Variants in C8orf34 observed in about 807,000 individuals in gnomAD.
C8orf34 encodes uncharacterized protein C8orf34.
C8orf34 carries 65 observed loss-of-function variants against 68.3 expected under a neutral mutation model. The observed-to-expected ratio is 0.95, with a 90% CI of 0.78 to 1.17. The LOEUF (loss-of-function observed/expected upper bound fraction) is 1.17, where lower values mean the gene tolerates loss of function less well. C8orf34 is among the 50% of genes most tolerant of loss of function. C8orf34 has a pLI of 0.00. For missense variants in C8orf34, 664 were observed against 655.4 expected, an observed-to-expected ratio of 1.01 and a Z score of -0.14; for synonymous variants, 244 against 241.2, an observed-to-expected ratio of 1.01 and a Z score of -0.11.
chr8:68,624,525 CCT>C (rs1254503709), intron 7 of C8orf34, among the ~76,000 whole-genome samples: 1 of 152,086 alleles, frequency 6.6e-6, no homozygotes, highest in Non-Finnish European at 1.5e-5. Flanking sequence ...TACTTGGGTG[CCT>C]TAGGCAAACC....
intron 8 of C8orf34, among the ~76,000 whole-genome samples, chr8:68,668,369 GA>G (rs1819905470): frequency 6.6e-6 from 1 of 152,100 alleles, no homozygotes; most frequent in Admixed American, 6.6e-5. Flanking sequence ...TTCCATGGAA[GA>G]AAAAATATAC....
At chr8:68,568,104 T>A (rs368269951) in intron 7 of C8orf34, among the ~76,000 whole-genome samples, 6 of 152,206 alleles carry the variant, frequency 3.9e-5, no homozygotes, top group Admixed American at 3.3e-4. Context: ...ATTGGTTAAG[T>A]TCACCATCTT....
intron 5 of C8orf34, among the ~76,000 whole-genome samples, chr8:68,506,124 AC>A (rs1359078264): frequency 6.6e-6 from 1 of 152,084 alleles, no homozygotes; most frequent in African/African-American, 2.4e-5. Context: ...ATACACACAC[AC>A]ACACATGCAC....
intron 7 of C8orf34, among the ~76,000 whole-genome samples, chr8:68,543,927 A>G (rs1191148356): frequency 6.6e-6 from 1 of 152,130 alleles, no homozygotes; most frequent in Non-Finnish European, 1.5e-5. Flanking sequence ...AGAGTAGGGA[A>G]ATAAACAAGG....
chr8:68,568,489 T>C (rs1193859752), intron 7 of C8orf34, among the ~76,000 whole-genome samples: 1 of 151,894 alleles, frequency 6.6e-6, no homozygotes, highest in African/African-American at 2.4e-5. Flanking sequence ...AGACACGAAG[T>C]GAGCCCATGC....
At chr8:68,783,358 A>C (rs1823742480) in intron 11 of C8orf34, among the ~76,000 whole-genome samples, 1 of 151,998 alleles carries the variant, frequency 6.6e-6, no homozygotes, top group Admixed American at 6.5e-5. Flanking sequence ...TCTCTACTAA[A>C]AATGCAAAAA....
chr8:68,625,734 A>G (rs1482631164), intron 7 of C8orf34: 4 of 564,802 alleles, frequency 7.1e-6, no homozygotes, highest in Non-Finnish European at 9.6e-6. Flanking sequence ...ATACATCAAC[A>G]GCAATTTTAG....
chr8:68,813,398 T>C (rs1405057172), intron 12 of C8orf34, among the ~76,000 whole-genome samples: 1 of 152,078 alleles, frequency 6.6e-6, no homozygotes, highest in Admixed American at 6.6e-5. Flanking sequence ...CTGTTATCCT[T>C]GGCCACCCTC....
chr8:68,350,890 G>A (rs185541518), intron 1 of C8orf34, among the ~76,000 whole-genome samples: 384 of 152,046 alleles, frequency 2.5e-3, no homozygotes, highest in Non-Finnish European at 4.2e-3. Flanking sequence ...ACAGTATACC[G>A]TTAGGTCTTG....
chr8:68,649,020 AT>A (rs1347147271), intron 8 of C8orf34, among the ~76,000 whole-genome samples: 5 of 152,006 alleles, frequency 3.3e-5, no homozygotes, highest in Admixed American at 6.6e-5. Context: ...TTTGTTTATG[AT>A]TTTTTTTCTT....
chr8:68,523,037 A>G lies in C8orf34; in HGVS notation c.938+1066A>G, dbSNP rs79033739. On this transcript the variant is annotated intron_variant, in intron 6 of 13. Coordinates refer to ENST00000518698, the MANE Select transcript of C8orf34 (RefSeq NM_052958.4). ...GGCTGGAGGGAAGGAAATTCAGAAT[A>G]CTCATTAATGTGCTTCAGGCCTACA... 3.2e-3 allele frequency among the ~76,000 whole-genome samples: 489 copies of G among 152,268 alleles called. 20 individuals carry two copies. The East Asian group carries it at 0.066, about 21-fold the overall frequency.
chr8:68,443,429 T>C (rs1810992969), intron 2 of C8orf34, among the ~76,000 whole-genome samples: 1 of 152,142 alleles, frequency 6.6e-6, no homozygotes, highest in African/African-American at 2.4e-5. Flanking sequence ...GGAGTCTCGC[T>C]CTGTCACCAG....
chr8:68,496,318 C>G (rs1387688328), intron 5 of C8orf34, among the ~76,000 whole-genome samples: 1 of 152,040 alleles, frequency 6.6e-6, no homozygotes, highest in Admixed American at 6.6e-5. Flanking sequence ...CATAACAACC[C>G]CATGAGAAAG....
chr8:68,699,597 G>A (rs1285070485), intron 8 of C8orf34, among the ~76,000 whole-genome samples: 5 of 152,022 alleles, frequency 3.3e-5, no homozygotes, highest in African/African-American at 4.8e-5. Flanking sequence ...TGGTTTTGTC[G>A]TGAATCAATC....
chr8:68,575,479 T>C (rs1047836226), intron 7 of C8orf34, among the ~76,000 whole-genome samples: 11 of 152,158 alleles, frequency 7.2e-5, no homozygotes, highest in Admixed American at 1.3e-4. Flanking sequence ...CAAACCCGTA[T>C]GTGCTACAGA....
chr8:68,344,038 A>C (rs1476357673), intron 1 of C8orf34, among the ~76,000 whole-genome samples: 1 of 152,168 alleles, frequency 6.6e-6, no homozygotes, highest in Non-Finnish European at 1.5e-5. Context: ...TAGATATGCA[A>C]CTACCAAATA....
intron 1 of C8orf34, among the ~76,000 whole-genome samples, chr8:68,353,284 G>A (rs1806593896): frequency 6.6e-6 from 1 of 151,878 alleles, no homozygotes. Context: ...CCCCCACAAG[G>A]GATGCCCACA....
chr8:68,793,966 G>T (rs971929813), intron 12 of C8orf34, among the ~76,000 whole-genome samples: 1 of 152,004 alleles, frequency 6.6e-6, no homozygotes, highest in East Asian at 1.9e-4. Flanking sequence ...CAAAAACCTG[G>T]TATAATAAAT....
intron 8 of C8orf34, among the ~76,000 whole-genome samples, chr8:68,691,196 T>C (rs1820675273): frequency 6.6e-6 from 1 of 152,052 alleles, no homozygotes; most frequent in Admixed American, 6.6e-5. Context: ...GATACTGCAT[T>C]GTTTGCAAAT....
Sources: gnomAD v4.1 joint callset for allele counts (sites outside exome capture counted in the v4.1 genomes callset) on GRCh38, gnomAD v4.1.1 for gene constraint, MANE v1.5 for transcripts, NCBI Gene and HGNC (gene_info 2026-07-23, HGNC 2026-07-21) for gene names.